PRUNE2: variants seen among roughly 807,000 people sequenced by gnomAD.
PRUNE2 encodes protein prune homolog 2.
PRUNE2 carries 164 observed loss-of-function variants against 252.0 expected under a neutral mutation model. The ratio of observed to expected loss-of-function variants is 0.65; its 90% confidence interval spans 0.57 to 0.74. PRUNE2 has a LOEUF of 0.74. Among genes scored for constraint, PRUNE2 ranks in the 30% least tolerant of loss-of-function variants. The probability of loss-of-function intolerance (pLI) is 0.00; values close to 1 mark genes in which losing one functional copy is unlikely to be tolerated. For missense variants in PRUNE2, 3,495 were observed against 3,711.0 expected (o/e 0.94, Z 1.51); for synonymous variants, 1,292 against 1,350.2 (o/e 0.96, Z 0.94).
chr9:76,737,429 A>G (rs750592061), intron 6 of PRUNE2: 7 of 152,258 alleles, frequency 4.6e-5, no homozygotes, highest in South Asian at 2.1e-4. Flanking sequence ...TGTGGAGTGC[A>G]TGACCATACA....
intron 17 of PRUNE2, among the ~76,000 whole-genome samples, chr9:76,620,861 C>G (rs1261858149): frequency 6.6e-6 from 1 of 152,132 alleles, no homozygotes; most frequent in Non-Finnish European, 1.5e-5. Context: ...ATTTGCAAAC[C>G]CTTTAATACT....
At chr9:76,633,272 G>C (rs1247258758) in intron 15 of PRUNE2, among the ~76,000 whole-genome samples, 1 of 151,438 alleles carries the variant, frequency 6.6e-6, no homozygotes, top group African/African-American at 2.4e-5. Context: ...ATTCAATTTC[G>C]GTTTTCATAA....
chr9:76,849,601 G>A (rs143160577), intron 3 of PRUNE2, among the ~76,000 whole-genome samples: 3,304 of 152,168 alleles, frequency 0.022, 133 homozygotes, highest in African/African-American at 0.074. Context: ...TGAGGTGGAC[G>A]GATCACTTGA....
At chr9:76,891,170 T>C (rs2062450801) in intron 1 of PRUNE2, among the ~76,000 whole-genome samples, 1 of 152,194 alleles carries the variant, frequency 6.6e-6, no homozygotes, top group Admixed American at 6.5e-5. Flanking sequence ...GTGGGATGCA[T>C]TTAGGCTTTT....
intron 6 of PRUNE2, chr9:76,788,367 T>C (rs760934883): frequency 1.3e-6 from 1 of 742,714 alleles, no homozygotes; most frequent in Non-Finnish European, 2.5e-6. Context: ...AGTTATTATA[T>C]ATACTGGACA....
At chr9:76,640,140 T>C (rs1217240477) in intron 12 of PRUNE2, among the ~76,000 whole-genome samples, 1 of 152,196 alleles carries the variant, frequency 6.6e-6, no homozygotes, top group Non-Finnish European at 1.5e-5. Context: ...AAGCTTTGAG[T>C]AGGAGGACAG....
intron 6 of PRUNE2, among the ~76,000 whole-genome samples, chr9:76,732,816 T>C (rs2048746986): frequency 6.6e-6 from 1 of 152,202 alleles, no homozygotes; most frequent in African/African-American, 2.4e-5. Flanking sequence ...GGCTCATGAT[T>C]AGAAGATTTC....
intron 6 of PRUNE2, among the ~76,000 whole-genome samples, chr9:76,724,979 C>T (rs986767492): frequency 2.0e-5 from 3 of 152,102 alleles, no homozygotes; most frequent in Non-Finnish European, 2.9e-5. Flanking sequence ...ACCTGGGCTA[C>T]ACTCTAGCTC....
chr9:76,899,068 CTGCCAATCTCTCTCA>C (rs1305541142), intron 1 of PRUNE2, among the ~76,000 whole-genome samples: 1 of 152,214 alleles, frequency 6.6e-6, no homozygotes, highest in Admixed American at 6.5e-5. Flanking sequence ...AACAGCTTCC[CTGCCAATCTCTCTCA>C]TGATATTAGC....
chr9:76,663,282 A>G (rs1270637745), intron 9 of PRUNE2, among the ~76,000 whole-genome samples: 1 of 152,236 alleles, frequency 6.6e-6, no homozygotes, highest in Non-Finnish European at 1.5e-5. Flanking sequence ...TAGAACAGGT[A>G]AGCACTGTGG....
intron 17 of PRUNE2, among the ~76,000 whole-genome samples, chr9:76,623,547 C>A (rs1367880718): frequency 1.3e-5 from 2 of 152,148 alleles, no homozygotes; most frequent in Non-Finnish European, 2.9e-5. Context: ...CCCATCTCGG[C>A]CTCCCAAAGT....
chr9:76,816,503 T>A (rs1030461776), intron 6 of PRUNE2, among the ~76,000 whole-genome samples: 1 of 152,192 alleles, frequency 6.6e-6, no homozygotes, highest in Non-Finnish European at 1.5e-5. Context: ...GAATTATCCG[T>A]TCTAAATTAG....
At chr9:76,759,969 CCT>C (rs1227769958) in intron 6 of PRUNE2, 2 of 152,322 alleles carry the variant, frequency 1.3e-5, no homozygotes, top group African/African-American at 2.4e-5. Flanking sequence ...GAGCCACACC[CCT>C]GTCACACGTC....
intron 11 of PRUNE2, among the ~76,000 whole-genome samples, chr9:76,645,846 C>T (rs1285167427): frequency 6.6e-6 from 1 of 152,184 alleles, no homozygotes; most frequent in Non-Finnish European, 1.5e-5. Flanking sequence ...ATTGAATTTA[C>T]ACTGCATTTC....
In PRUNE2 at chr9:76,611,775, A is replaced by G. The variant is rs1004840403; in HGVS notation, c.*2795T>C. The G allele has an allele frequency of 1.3e-5, 2 of 152,642 alleles. No individual in the cohort carries two copies. Among genetic ancestry groups the G allele is most frequent in the South Asian group, 2.1e-4 (1 of 4,830 alleles). The allele number at this position is 152,642 out of a possible 1,614,324, so 9.5% of individuals were successfully genotyped here. A position where few individuals can be genotyped will look rare whatever the true frequency, so the allele number is the denominator to read the frequency against. On this transcript the variant is annotated 3_prime_UTR_variant, in exon 19 of 19. Coordinates refer to ENST00000376718, the MANE Select transcript of PRUNE2 (RefSeq NM_015225.3). The stretch of plus-strand genomic sequence containing the variant: ...CAGAAACTTCAGGATTTTCTTCCAC[A>G]CTGAGCTACTGCCCTCAAACAAACT...
intron 1 of PRUNE2, among the ~76,000 whole-genome samples, chr9:76,860,259 G>GTT (rs2060480055): frequency 6.6e-6 from 1 of 152,222 alleles, no homozygotes; most frequent in Non-Finnish European, 1.5e-5. Flanking sequence ...TATCGATCTT[G>GTT]TGACTCCCTT....
chr9:76,686,636 T>G, intron 9 of PRUNE2, among the ~76,000 whole-genome samples: 1 of 152,046 alleles, frequency 6.6e-6, no homozygotes, highest in African/African-American at 2.4e-5. Flanking sequence ...AAAAAATTTT[T>G]GGTAGAGTCA....
At chr9:76,830,871 T>C (rs2058630852) in intron 4 of PRUNE2, among the ~76,000 whole-genome samples, 1 of 151,940 alleles carries the variant, frequency 6.6e-6, no homozygotes, top group African/African-American at 2.4e-5. Context: ...TGGAATTACA[T>C]CTTCAAAGGG....
At chr9:76,813,074 C>T (rs898649673) in intron 6 of PRUNE2, among the ~76,000 whole-genome samples, 1 of 152,166 alleles carries the variant, frequency 6.6e-6, no homozygotes, top group African/African-American at 2.4e-5. Flanking sequence ...TAATGATATA[C>T]TTCTGCACAT....
Sources: allele counts gnomAD v4.1 joint callset (sites outside exome capture counted in the v4.1 genomes callset), GRCh38; gene constraint gnomAD v4.1.1; transcripts MANE v1.5; gene names NCBI Gene and HGNC (gene_info 2026-07-23, HGNC 2026-07-21).